The following ATP8A1 variants were observed in gnomAD, a reference collection of about 807,000 sequenced individuals.
ATP8A1 encodes the protein phospholipid-transporting ATPase IA.
Under a neutral mutation model 177.7 loss-of-function variants are expected in ATP8A1, and 90 were observed. That is an observed-to-expected ratio of 0.51 (90% confidence interval 0.43 to 0.60). The LOEUF is 0.60. Ranked by LOEUF, ATP8A1 falls within the 20% of genes least tolerant of loss-of-function variation. The pLI is 0.00. For missense variants in ATP8A1, 1,072 were observed against 1,392.8 expected, an observed-to-expected ratio of 0.77 and a Z score of 3.67; for synonymous variants, 493 against 485.9, an observed-to-expected ratio of 1.01 and a Z score of -0.19.
chr4:42,467,633 C>T (rs916990894), intron 25 of ATP8A1, among the ~76,000 whole-genome samples: 1 of 152,154 alleles, frequency 6.6e-6, no homozygotes, highest in Non-Finnish European at 1.5e-5. Flanking sequence ...GTGGAGGTTG[C>T]AGTGAGCTGA....
intron 5 of ATP8A1, among the ~76,000 whole-genome samples, chr4:42,608,235 C>T (rs1341117119): frequency 1.3e-5 from 2 of 151,086 alleles, no homozygotes; most frequent in East Asian, 3.9e-4. Context: ...CAGGTGCTGA[C>T]TTACACTCTA....
At chr4:42,466,000 C>T (rs1324549445) in intron 25 of ATP8A1, among the ~76,000 whole-genome samples, 6 of 140,302 alleles carry the variant, frequency 4.3e-5, no homozygotes, top group Admixed American at 1.5e-4. Context: ...CCACTGCACT[C>T]CAGCCTGGGC....
chr4:42,534,755 G>A (rs1030634364), intron 20 of ATP8A1, among the ~76,000 whole-genome samples: 1 of 152,104 alleles, frequency 6.6e-6, no homozygotes, highest in African/African-American at 2.4e-5. Flanking sequence ...TAAGAGCTAT[G>A]AGGCAAAAAC....
intron 22 of ATP8A1, among the ~76,000 whole-genome samples, chr4:42,516,790 T>C (rs12499004): frequency 0.53 from 79,766 of 151,896 alleles, 21,408 homozygotes; most frequent in East Asian, 0.82. Flanking sequence ...ACATAATTTA[T>C]GTGTCTTAGA....
intron 8 of ATP8A1, among the ~76,000 whole-genome samples, chr4:42,586,761 C>A (rs1258288262): frequency 6.6e-6 from 1 of 152,144 alleles, no homozygotes. Flanking sequence ...CCCAAAGAAC[C>A]ATTTGCTTGT....
In ATP8A1 at chr4:42,507,074, T is replaced by C. The variant is rs1724436633; in HGVS notation, c.2028A>G (p.Lys676=). Residue 676 remains lysine, a synonymous_variant, in exon 23 of 37, where the codon AAA becomes AAG. Coordinates refer to ENST00000381668, the MANE Select transcript of ATP8A1 (RefSeq NM_006095.2). ...QVPETIETLM[K]ADIKIWILTG... ...TAAGGATCCAGATTTTGATGTCTGC[T>C]TTCATTAGCGTTTCTATGGTTTCAG... 6.2e-7 allele frequency: 1 copy of C among 1,614,026 alleles called. No individual in the cohort carries two copies. The highest frequency in any genetic ancestry group is 1.7e-5 in the Admixed American group (1 of 60,004).
intron 14 of ATP8A1, among the ~76,000 whole-genome samples, chr4:42,573,871 G>C (rs897095944): frequency 6.6e-6 from 1 of 152,108 alleles, no homozygotes; most frequent in Non-Finnish European, 1.5e-5. Context: ...CTCACTTCTA[G>C]GTAGATAAGG....
chr4:42,503,439 A>G lies in ATP8A1; in HGVS notation c.2151+11T>C. ...ATTAAAGGAGTTTTAAAAATACATA[A>G]TTTTACTTACATCAAGAGAGCCTTC... is the stretch of plus-strand genomic sequence containing the variant. On this transcript the variant is annotated intron_variant, in intron 24 of 36. Transcript: ENST00000381668. The G allele has an allele frequency of 6.5e-7, 1 of 1,534,426 alleles. No individual in the cohort carries two copies. The highest frequency in any genetic ancestry group is 9.0e-7 in the Non-Finnish European group (1 of 1,115,092).
At chr4:42,632,637 G>T (rs1273202568) in intron 1 of ATP8A1, among the ~76,000 whole-genome samples, 2 of 152,128 alleles carry the variant, frequency 1.3e-5, no homozygotes, top group Non-Finnish European at 1.5e-5. Flanking sequence ...CATCCTTCTG[G>T]TGACTATTTT....
intron 22 of ATP8A1, among the ~76,000 whole-genome samples, chr4:42,520,187 A>T (rs927885107): frequency 3.9e-5 from 6 of 152,232 alleles, no homozygotes; most frequent in African/African-American, 1.4e-4. Context: ...ATTCTACTCT[A>T]GAACTGAAGT....
intron 22 of ATP8A1, among the ~76,000 whole-genome samples, chr4:42,513,935 G>A (rs939985611): frequency 7.2e-5 from 11 of 152,158 alleles, no homozygotes; most frequent in African/African-American, 2.7e-4. Flanking sequence ...GATTCTCAGA[G>A]GCATTCTACA....
At chr4:42,584,268 G>A (rs1005256434) in intron 9 of ATP8A1, among the ~76,000 whole-genome samples, 13 of 146,910 alleles carry the variant, frequency 8.8e-5, no homozygotes, top group Admixed American at 5.3e-4. Flanking sequence ...AGAAGGGAAT[G>A]GAGGAGGAGA....
Position 42,574,596 on chromosome 4 carries a change from C to A in ATP8A1, c.1295+23G>T, listed in dbSNP as rs182515900. Reference sequence around the variant, plus strand: ...CACTAATTAAGCATGTATTTCATATCCTAATTAAAGGAAAAAACTCACCCA... The same window carrying A: ...CACTAATTAAGCATGTATTTCATATACTAATTAAAGGAAAAAACTCACCCA... On this transcript the variant is annotated intron_variant, in intron 14 of 36. Transcript: ENST00000381668. 9.2e-5 allele frequency: 145 copies of A among 1,573,904 alleles called. 1 individual carries two copies. The African/African-American group carries it at 1.7e-3, about 18-fold the overall frequency.
intron 20 of ATP8A1, among the ~76,000 whole-genome samples, chr4:42,528,322 T>C (rs181059668): frequency 6.6e-6 from 1 of 151,978 alleles, no homozygotes; most frequent in African/African-American, 2.4e-5. Context: ...CCTAGAAAAA[T>C]AGTAAATCAA....
chr4:42,485,909 T>C, intron 24 of ATP8A1, among the ~76,000 whole-genome samples: 1 of 152,208 alleles, frequency 6.6e-6, no homozygotes, highest in Non-Finnish European at 1.5e-5. Context: ...GGGTTGGGAC[T>C]AGACTATAAG....
At chr4:42,642,293 A>G (rs1740078441) in intron 1 of ATP8A1, among the ~76,000 whole-genome samples, 1 of 152,188 alleles carries the variant, frequency 6.6e-6, no homozygotes, top group African/African-American at 2.4e-5. Context: ...GAACTCCAGC[A>G]CACCCTAACG....
intron 25 of ATP8A1, among the ~76,000 whole-genome samples, chr4:42,478,724 A>G (rs974486572): frequency 1.3e-5 from 2 of 152,154 alleles, no homozygotes; most frequent in African/African-American, 4.8e-5. Flanking sequence ...GCAGTGACCG[A>G]GCAGGGTCAG....
At chr4:42,447,991 A>T (rs189310130) in intron 30 of ATP8A1, among the ~76,000 whole-genome samples, 1 of 152,334 alleles carries the variant, frequency 6.6e-6, no homozygotes, top group Admixed American at 6.5e-5. Flanking sequence ...TACACTAAAA[A>T]ATTATTGAGG....
intron 24 of ATP8A1, among the ~76,000 whole-genome samples, chr4:42,498,655 G>A (rs1440464162): frequency 4.6e-5 from 7 of 151,646 alleles, no homozygotes; most frequent in East Asian, 1.9e-4. Context: ...CTGTTACATC[G>A]GACAGCAGTG....
Sources: gnomAD v4.1 joint callset for allele counts (sites outside exome capture counted in the v4.1 genomes callset) on GRCh38, gnomAD v4.1.1 for gene constraint, MANE v1.5 for transcripts, NCBI Gene and HGNC (gene_info 2026-07-23, HGNC 2026-07-21) for gene names.